Variants in MYO6 observed in about 807,000 individuals in gnomAD.
MYO6 encodes the protein unconventional myosin-VI.
MYO6 carries 74 observed loss-of-function variants against 178.7 expected under a neutral mutation model. The observed-to-expected ratio is 0.41, with a 90% confidence interval of 0.34 to 0.50. MYO6 has a LOEUF of 0.50. Among genes scored for constraint, MYO6 ranks in the 20% least tolerant of loss-of-function variants. MYO6 has a pLI of 0.09. For synonymous variants in MYO6, 477 were observed against 504.6 expected, an observed-to-expected ratio of 0.95 and a Z score of 0.73; for missense variants, 1,330 against 1,547.4, an observed-to-expected ratio of 0.86 and a Z score of 2.36.
chr6:75,816,644 AGTTCCGTGAGG>A (rs1305355145), intron 1 of MYO6, among the ~76,000 whole-genome samples: 11 of 152,240 alleles, frequency 7.2e-5, no homozygotes, highest in Admixed American at 6.5e-4. Flanking sequence ...CATACTGAGT[AGTTCCGTGAGG>A]ATGAGCTTCG....
chr6:75,914,867 G>A lies in MYO6; in HGVS notation c.3713G>A (p.Arg1238Gln), dbSNP rs774624253. The A allele has an allele frequency of 1.4e-5, 23 of 1,614,022 alleles. No individual in the cohort carries two copies. The highest frequency in any genetic ancestry group is 6.7e-5 in the Admixed American group (4 of 59,996). The change falls in exon 35 of 35, where the codon CGG becomes CAG. Residue 1238 changes from arginine to glutamine, a missense_variant. Transcript: ENST00000369977. ...ELNLEETGLT[R>Q]KRGAEILPRQ... ...AATCTTGAGGAGACTGGCCTGACTC[G>A]GAAGCGTGGTGCTGAGATCTTGCCA...
chr6:75,888,951 A>C (rs1466668233), intron 25 of MYO6, among the ~76,000 whole-genome samples: 1 of 152,138 alleles, frequency 6.6e-6, no homozygotes, highest in Non-Finnish European at 1.5e-5. Context: ...GGAGTTGAAG[A>C]CTTTTCTATA....
At chr6:75,764,604 AG>A (rs1778242466) in intron 1 of MYO6, among the ~76,000 whole-genome samples, 1 of 152,130 alleles carries the variant, frequency 6.6e-6, no homozygotes, top group South Asian at 2.1e-4. Flanking sequence ...GGGCTTTGTA[AG>A]GTTTTTTTTG....
chr6:75,789,510 T>C (rs1768012019), intron 1 of MYO6, among the ~76,000 whole-genome samples: 1 of 152,180 alleles, frequency 6.6e-6, no homozygotes. Flanking sequence ...TTGTTAAATA[T>C]TTATTTCCAA....
chr6:75,879,755 T>C lies in MYO6; in HGVS notation c.2078-65T>C, dbSNP rs1777866999. 15 of 1,612,192 alleles carry C rather than the reference T, an allele frequency of 9.3e-6. No individual in the cohort carries two copies. In the South Asian group the frequency reaches 1.7e-4, roughly 18 times the overall value. ...AAACAGTATCTTACAAAAATGATCATTCACAAATTATTTTGGACTTCCGAA... is the reference window on the plus strand; with the variant it reads ...AAACAGTATCTTACAAAAATGATCACTCACAAATTATTTTGGACTTCCGAA... On this transcript the variant is annotated intron_variant, in intron 20 of 34. Transcript: ENST00000369977.
At chr6:75,895,178 T>A in intron 28 of MYO6, 53 bp from the exon 29 acceptor site, 2 of 1,403,482 alleles carry the variant, frequency 1.4e-6, no homozygotes, top group Non-Finnish European at 2.0e-6. Flanking sequence ...CAATCCAGAT[T>A]TTCACAGTTC....
At chr6:75,869,142 C>T (rs1050308531) in intron 18 of MYO6, among the ~76,000 whole-genome samples, 8 of 126,792 alleles carry the variant, frequency 6.3e-5, no homozygotes, top group South Asian at 2.4e-4. Flanking sequence ...CTGGACTTTG[C>T]GACAGTTATT....
chr6:75,892,439 G>A, intron 27 of MYO6, 91 bp from the exon 28 acceptor site: 1 of 1,553,346 alleles, frequency 6.4e-7, no homozygotes, highest in East Asian at 2.2e-5. Context: ...TATGGGGGCA[G>A]TTATGCTTTC....
At chr6:75,756,975 A>AT (rs1437498094) in intron 1 of MYO6, among the ~76,000 whole-genome samples, 1 of 23,630 alleles carries the variant, frequency 4.2e-5, no homozygotes, top group East Asian at 7.6e-4. Flanking sequence ...ACACATATAT[A>AT]GTGTGTATAT....
Position 75,890,533 on chromosome 6 carries a change from C to T in MYO6, c.2867+268C>T, listed in dbSNP as rs10081009. ...CTAATTTTTGTATTTGTAGTGGAGACGGGGTTTCACTATGTTGGCCAGGCT... is the reference window on the plus strand; with the variant it reads ...CTAATTTTTGTATTTGTAGTGGAGATGGGGTTTCACTATGTTGGCCAGGCT... On this transcript the variant is annotated intron_variant, in intron 26 of 34. Transcript: ENST00000369977. Among the ~76,000 whole-genome samples the T allele has an allele frequency of 0.02, 2,986 of 152,066 alleles. 97 individuals carry two copies. Among genetic ancestry groups the T allele is most frequent in the African/African-American group, 0.068 (2,816 of 41,472 alleles).
intron 11 of MYO6, among the ~76,000 whole-genome samples, chr6:75,849,739 G>A (rs1026822539): frequency 3.1e-4 from 47 of 152,292 alleles, no homozygotes; most frequent in African/African-American, 9.1e-4. Context: ...ATACGTGCAG[G>A]GGGAAGATGT....
intron 1 of MYO6, among the ~76,000 whole-genome samples, chr6:75,754,710 C>T (rs1247572549): frequency 6.6e-6 from 1 of 151,922 alleles, no homozygotes; most frequent in Admixed American, 6.6e-5. Flanking sequence ...GCTGGCATAT[C>T]TTTGGATCCA....
intron 1 of MYO6, among the ~76,000 whole-genome samples, chr6:75,786,772 G>A (rs922867001): frequency 4.6e-5 from 7 of 151,922 alleles, no homozygotes; most frequent in South Asian, 2.1e-4. Context: ...ATATACACAC[G>A]TCTTGCACAA....
intron 31 of MYO6, among the ~76,000 whole-genome samples, chr6:75,908,026 G>A (rs978349662): frequency 1.3e-5 from 2 of 152,074 alleles, no homozygotes; most frequent in African/African-American, 4.8e-5. Flanking sequence ...GAGTAGGAAC[G>A]ATGAATTCAG....
rs1312089869 is a variant in MYO6 at position 75,879,059 on chromosome 6, C to T, written c.2078-761C>T. Among the ~76,000 whole-genome samples, 4 of 152,300 alleles carry T rather than the reference C, an allele frequency of 2.6e-5. No homozygotes were observed. In the South Asian group the frequency reaches 8.3e-4, roughly 32 times the overall value. On this transcript the variant is annotated intron_variant, in intron 20 of 34. Coordinates refer to ENST00000369977, the MANE Select transcript of MYO6 (RefSeq NM_004999.4). ...GAGCTCTTCTTTCTTTTCCATTTGC[C>T]TTATGCACTGATGATAACTTGGGAA... is the stretch of plus-strand genomic sequence containing the variant.
intron 1 of MYO6, among the ~76,000 whole-genome samples, chr6:75,800,690 G>A (rs753564993): frequency 2.6e-5 from 4 of 152,106 alleles, no homozygotes; most frequent in Non-Finnish European, 4.4e-5. Context: ...TCTGGAGTTA[G>A]GAGAGAGGTA....
chr6:75,808,256 C>T (rs182727973), intron 1 of MYO6, among the ~76,000 whole-genome samples: 9 of 152,240 alleles, frequency 5.9e-5, no homozygotes, highest in Admixed American at 1.3e-4. Context: ...GGATATCTGA[C>T]GTCAGTGTGT....
chr6:75,909,761 CT>C (rs1406483782), intron 32 of MYO6, among the ~76,000 whole-genome samples: 1 of 152,044 alleles, frequency 6.6e-6, no homozygotes, highest in African/African-American at 2.4e-5. Context: ...TTTTTTTCCC[CT>C]AAGCGGTATA....
intron 1 of MYO6, among the ~76,000 whole-genome samples, chr6:75,757,625 G>T (rs1440408233): frequency 6.6e-6 from 1 of 151,858 alleles, no homozygotes; most frequent in Non-Finnish European, 1.5e-5. Flanking sequence ...CCAGAGTTGC[G>T]TTTAAGCACA....
Sources: gnomAD v4.1 joint callset for allele counts (sites outside exome capture counted in the v4.1 genomes callset) on GRCh38, gnomAD v4.1.1 for gene constraint, MANE v1.5 for transcripts, NCBI Gene and HGNC (gene_info 2026-07-23, HGNC 2026-07-21) for gene names.